Variants in DDX46 observed in about 807,000 individuals in gnomAD.
DDX46 encodes the protein probable ATP-dependent RNA helicase DDX46.
A neutral mutation model predicts 134.9 loss-of-function variants in DDX46; 30 were observed. That is an observed-to-expected ratio of 0.22 (90% CI 0.17 to 0.30). DDX46 has a LOEUF of 0.30. Ranked by LOEUF, DDX46 falls within the 10% of genes least tolerant of loss-of-function variation. The pLI is 1.00. For missense variants in DDX46, 622 were observed against 1,248.7 expected, an observed-to-expected ratio of 0.50 and a Z score of 7.56; for synonymous variants, 415 against 404.1, an observed-to-expected ratio of 1.03 and a Z score of -0.32.
intron 15 of DDX46, chr5:134,797,196 A>AAAAAAAAAAC (rs1561865733): frequency 7.1e-6 from 2 of 281,804 alleles, no homozygotes; most frequent in African/African-American, 2.3e-5. Context: ...AAAAAAAAAA[A>AAAAAAAAAAC]ACACAAAACA....
chr5:134,768,096 GT>G (rs1013641862), intron 3 of DDX46, among the ~76,000 whole-genome samples: 1 of 151,592 alleles, frequency 6.6e-6, no homozygotes, highest in Non-Finnish European at 1.5e-5. Context: ...AGGTGATGAT[GT>G]AATAAGTGAA....
intron 10 of DDX46, among the ~76,000 whole-genome samples, chr5:134,784,915 T>G (rs867144985): frequency 6.6e-6 from 1 of 152,216 alleles, no homozygotes; most frequent in Non-Finnish European, 1.5e-5. Context: ...CCTAGGTAGT[T>G]TTTGGCCTTA....
At chr5:134,806,451 G>A (rs1250298628) in intron 15 of DDX46, among the ~76,000 whole-genome samples, 1 of 152,106 alleles carries the variant, frequency 6.6e-6, no homozygotes, top group African/African-American at 2.4e-5. Context: ...TCAATTCTAA[G>A]GAATCAATTT....
At chr5:134,766,881 T>G in intron 2 of DDX46, 36 bp from the exon 3 acceptor site, 1 of 1,589,154 alleles carries the variant, frequency 6.3e-7, no homozygotes, top group Middle Eastern at 1.7e-4. Flanking sequence ...TAGCTCCATT[T>G]GGTCATAGAA....
intron 6 of DDX46, among the ~76,000 whole-genome samples, chr5:134,778,859 C>T (rs1011416490): frequency 1.3e-5 from 2 of 151,746 alleles, no homozygotes; most frequent in African/African-American, 4.8e-5. Context: ...CAGGCGTGAA[C>T]CACCGTGCCC....
intron 21 of DDX46, among the ~76,000 whole-genome samples, chr5:134,820,725 C>A (rs25786): frequency 6.6e-6 from 1 of 152,154 alleles, no homozygotes; most frequent in Non-Finnish European, 1.5e-5. Flanking sequence ...ACAGTTCAGT[C>A]CTCAGTACCT....
chr5:134,792,051 C>T (rs1754520498), intron 13 of DDX46, among the ~76,000 whole-genome samples: 1 of 152,052 alleles, frequency 6.6e-6, no homozygotes, highest in Non-Finnish European at 1.5e-5. Context: ...GTGACGGGCG[C>T]CTGTAATCCC....
chr5:134,765,100 A>AT (rs1308447272), intron 2 of DDX46, among the ~76,000 whole-genome samples: 4 of 145,532 alleles, frequency 2.7e-5, no homozygotes, highest in Non-Finnish European at 6.0e-5. Flanking sequence ...ACAGAGTCTC[A>AT]CTCTGTCACC....
intron 17 of DDX46, 50 bp from the exon 18 acceptor site, chr5:134,811,646 A>G (rs1352066282): frequency 6.5e-7 from 1 of 1,540,842 alleles, no homozygotes; most frequent in East Asian, 2.3e-5. Flanking sequence ...TGAATTCCTA[A>G]ACATTAAAGT....
intron 6 of DDX46, 171 bp downstream of exon 6, chr5:134,777,896 C>T: frequency 1.5e-6 from 1 of 664,454 alleles, no homozygotes; most frequent in African/African-American, 1.9e-5. Flanking sequence ...TAAATTTTAG[C>T]TATAAGTGTT....
chr5:134,784,970 T>G (rs1754285012), intron 10 of DDX46, among the ~76,000 whole-genome samples: 1 of 152,216 alleles, frequency 6.6e-6, no homozygotes, highest in Non-Finnish European at 1.5e-5. Flanking sequence ...CTTGTTTAGA[T>G]TCTGGTTTCT....
intron 2 of DDX46, among the ~76,000 whole-genome samples, chr5:134,765,559 G>A (rs1753542832): frequency 6.6e-6 from 1 of 151,362 alleles, no homozygotes; most frequent in Non-Finnish European, 1.5e-5. Flanking sequence ...TCTCAAAACA[G>A]AAAAAAAGAA....
intron 5 of DDX46, among the ~76,000 whole-genome samples, chr5:134,774,711 T>G (rs1037763342): frequency 6.6e-6 from 1 of 152,160 alleles, no homozygotes; most frequent in African/African-American, 2.4e-5. Flanking sequence ...TTTTCATGTT[T>G]TTGGAGATAG....
At position 134,826,966 on chromosome 5, in the gene DDX46, G is replaced by A; in HGVS notation, c.2997G>A (p.Val999=). The change falls in exon 22 of 23, where the codon GTG becomes GTA. Residue 999 remains valine (V), a synonymous_variant. Coordinates refer to ENST00000452510, the MANE Select transcript of DDX46 (RefSeq NM_001300860.2). ...CACTAGGTGCCAATGAACTGGCTGTGCAGAAAGCAAAGGCAGAAATCACCA... is the reference window on the plus strand; with the variant it reads ...CACTAGGTGCCAATGAACTGGCTGTACAGAAAGCAAAGGCAGAAATCACCA... The part of the protein sequence containing the change: ...LAIESANELA[V]QKAKAEITRL... 6.2e-7 allele frequency: 1 copy of A among 1,613,412 alleles called. No individual in the cohort carries two copies. Among genetic ancestry groups the A allele is most frequent in the African/African-American group, 1.3e-5 (1 of 75,002 alleles).
chr5:134,781,545 A>G (rs1754154318), intron 7 of DDX46, among the ~76,000 whole-genome samples: 1 of 152,152 alleles, frequency 6.6e-6, no homozygotes, highest in African/African-American at 2.4e-5. Flanking sequence ...TTCCATTAAC[A>G]CGTAAAGATT....
intron 15 of DDX46, among the ~76,000 whole-genome samples, chr5:134,800,307 G>A (rs1754788720): frequency 6.6e-6 from 1 of 152,060 alleles, no homozygotes; most frequent in African/African-American, 2.4e-5. Flanking sequence ...ACCTCTTAGA[G>A]TTATAGATAA....
chr5:134,829,433 G>A lies in DDX46; in HGVS notation c.*727G>A, dbSNP rs1298091291. ...TTTATAATCTTCCTTAAAAGAAAGA[G>A]TGTAGCCTATAAATACTAAATATGA... On this transcript the variant is annotated 3_prime_UTR_variant, in exon 23 of 23. Transcript: ENST00000452510. 1 of 152,136 alleles carries A rather than the reference G, an allele frequency of 6.6e-6. No homozygotes were observed. The highest frequency in any genetic ancestry group is 6.6e-5 in the Admixed American group (1 of 15,262). 9.4% of individuals were successfully genotyped at this position (152,136 alleles called of 1,614,324 possible). A position where few individuals can be genotyped will look rare whatever the true frequency, so the allele number is the denominator to read the frequency against.
chr5:134,767,174 G>T (rs184121652), intron 3 of DDX46, 114 bp downstream of exon 3: 3 of 1,331,506 alleles, frequency 2.3e-6, no homozygotes, highest in Admixed American at 6.0e-5. Flanking sequence ...ACTGCATTTG[G>T]CTCCTACCAT....
chr5:134,791,650 G>C (rs1754506873), intron 13 of DDX46, among the ~76,000 whole-genome samples: 1 of 152,158 alleles, frequency 6.6e-6, no homozygotes, highest in South Asian at 2.1e-4. Context: ...AATAAAAAAG[G>C]ATTATAAGAG....
Sources: gnomAD v4.1 joint callset for allele counts (sites outside exome capture counted in the v4.1 genomes callset) on GRCh38, gnomAD v4.1.1 for gene constraint, MANE v1.5 for transcripts, NCBI Gene and HGNC (gene_info 2026-07-23, HGNC 2026-07-21) for gene names.